The following TRPM8 variants were observed in gnomAD, a reference collection of about 807,000 sequenced individuals.
TRPM8 encodes the protein transient receptor potential cation channel subfamily M member 8.
TRPM8 carries 110 observed loss-of-function variants against 133.7 expected under a neutral mutation model. That is an observed-to-expected ratio of 0.82 (90% CI 0.70 to 0.96). The LOEUF (loss-of-function observed/expected upper bound fraction) is 0.96, where lower values mean the gene tolerates loss of function less well. Among genes scored for constraint, TRPM8 ranks in the 40% least tolerant of loss-of-function variants. TRPM8 has a pLI of 0.00. For synonymous variants in TRPM8, 535 were observed against 532.3 expected (o/e 1.01, Z -0.07); for missense variants, 1,291 against 1,379.5 (o/e 0.94, Z 1.02).
rs11563217 is a variant in TRPM8 at position 233,950,157 on chromosome 2, G to A, written c.1140+11G>A. On this transcript the variant is annotated intron_variant, in intron 9 of 25. Transcript: ENST00000324695. ...AGTTGGATCAAATGGGTAAGTTGTC[G>A]GGACCATGTCTGAGGGCTGAGAAAA... 26,484 of 1,609,942 alleles carry A rather than the reference G, an allele frequency of 0.016. 1,950 individuals are homozygous for A. The East Asian group carries it at 0.18, about 11-fold the overall frequency.
chr2:233,977,586 C>G (rs1197377812), intron 17 of TRPM8, among the ~76,000 whole-genome samples: 1 of 152,148 alleles, frequency 6.6e-6, no homozygotes. Flanking sequence ...TTACCAGGCA[C>G]CAGAAGAGCA....
intron 1 of TRPM8, among the ~76,000 whole-genome samples, chr2:233,924,941 G>A (rs188516228): frequency 1.2e-4 from 19 of 152,288 alleles, no homozygotes; most frequent in Admixed American, 7.2e-4. Flanking sequence ...TAAAAGAAGC[G>A]CTTGTTGTTT....
intron 14 of TRPM8, chr2:233,965,876 T>A (rs990802285): frequency 5.9e-5 from 9 of 151,666 alleles, no homozygotes; most frequent in Admixed American, 1.3e-4. Context: ...GAGGTGGAGT[T>A]TCGCTCTTGT....
chr2:234,004,544 C>T (rs75668105), intron 22 of TRPM8, among the ~76,000 whole-genome samples: 2 of 152,270 alleles, frequency 1.3e-5, no homozygotes, highest in African/African-American at 4.8e-5. Context: ...GAGAAAAATG[C>T]GAGATTTTTC....
At chr2:233,993,086 C>T (rs986969567) in intron 21 of TRPM8, among the ~76,000 whole-genome samples, 12 of 152,266 alleles carry the variant, frequency 7.9e-5, no homozygotes, top group African/African-American at 1.9e-4. Context: ...AGCTGTACCT[C>T]GGTGTATAAA....
Position 233,922,730 on chromosome 2 carries a change from T to A in TRPM8, c.-5-3803T>A, listed in dbSNP as rs114429980. On this transcript the variant is annotated intron_variant, in intron 1 of 25. Coordinates refer to ENST00000324695, the MANE Select transcript of TRPM8 (RefSeq NM_024080.5). ...TCAGGATACAATTCCTAGATCACAA[T>A]CTTTTCCCTCTTAAAAAAATGTAAA... is the stretch of plus-strand genomic sequence containing the variant. Among the ~76,000 whole-genome samples the A allele has an allele frequency of 1.2e-3, 189 of 152,322 alleles. 1 individual carries two copies. Among genetic ancestry groups the A allele is most frequent in the African/African-American group, 4.2e-3 (175 of 41,570 alleles).
intron 22 of TRPM8, among the ~76,000 whole-genome samples, chr2:233,997,477 G>T (rs898836678): frequency 6.6e-6 from 1 of 152,164 alleles, no homozygotes; most frequent in Non-Finnish European, 1.5e-5. Context: ...AGCACAGAGG[G>T]ACAGGATGGG....
Position 233,955,132 on chromosome 2 carries a change from C to T in TRPM8, c.1244C>T (p.Ala415Val). Residue 415 changes from alanine (A) to valine (V), a missense_variant and splice_region_variant, in exon 11 of 26, where the codon GCC (alanine) becomes GTC (valine). This residue lies in a region of TRPM8 where 963 missense variants were observed against 968.9 expected (regional missense o/e 0.99). Coordinates refer to ENST00000324695, the MANE Select transcript of TRPM8 (RefSeq NM_024080.5). ...TGAGTCTTTTCCTGCCCTCTCACAG[C>T]CTTCAGCACCAGTGAGCAAGACAAG... ...SNAISYALYKAFSTSEQDKDN... is the reference protein window; with the variant it reads ...SNAISYALYKVFSTSEQDKDN... 6.2e-7 allele frequency: 1 copy of T among 1,611,792 alleles called. No homozygotes were observed.
chr2:233,980,109 T>C, intron 17 of TRPM8, 79 bp from the exon 18 acceptor site: 2 of 965,962 alleles, frequency 2.1e-6, no homozygotes, highest in South Asian at 1.5e-5. Context: ...TGGAAGAAAA[T>C]GAGTGGACAT....
chr2:233,925,480 C>T (rs1691496460), intron 1 of TRPM8, among the ~76,000 whole-genome samples: 1 of 152,110 alleles, frequency 6.6e-6, no homozygotes. Context: ...CAGGAGATGA[C>T]AGCTGGAGGG....
At chr2:233,969,564 A>G in intron 15 of TRPM8, 131 bp from the exon 16 acceptor site, 1 of 648,400 alleles carries the variant, frequency 1.5e-6, no homozygotes, top group East Asian at 2.6e-5. Context: ...ACTGGTATAA[A>G]AGAATAATGA....
chr2:233,962,277 C>A (rs1691458407), intron 12 of TRPM8, among the ~76,000 whole-genome samples: 1 of 152,192 alleles, frequency 6.6e-6, no homozygotes, highest in Admixed American at 6.5e-5. Context: ...TTGTCCTGAT[C>A]AGAGCCCAGT....
chr2:233,987,579 G>A (rs1692176033), intron 21 of TRPM8, among the ~76,000 whole-genome samples: 1 of 152,270 alleles, frequency 6.6e-6, no homozygotes, highest in East Asian at 1.9e-4. Context: ...GTGGCCATCT[G>A]GTCTCCCAGT....
intron 24 of TRPM8, among the ~76,000 whole-genome samples, chr2:234,013,998 CA>C (rs1191576879): frequency 1.3e-5 from 2 of 152,048 alleles, no homozygotes; most frequent in African/African-American, 4.8e-5. Flanking sequence ...AGTAATATGA[CA>C]TGTAATTTAA....
At chr2:233,999,507 C>CCGTGGCCCTGTTTGGCCGT (rs1553669036) in intron 22 of TRPM8, among the ~76,000 whole-genome samples, 4 of 152,200 alleles carry the variant, frequency 2.6e-5, no homozygotes, top group Non-Finnish European at 5.9e-5. Context: ...GTGGAAGAAT[C>CCGTGGCCCTGTTTGGCCGT]CGTGGCCCTG....
chr2:234,015,141 G>A (rs911216880), intron 25 of TRPM8, among the ~76,000 whole-genome samples: 9 of 152,108 alleles, frequency 5.9e-5, no homozygotes, highest in African/African-American at 1.9e-4. Flanking sequence ...TTTTGGTGAG[G>A]CATTCAAGGT....
In TRPM8 at chr2:233,989,848, A is replaced by G. The variant is rs1692231044; in HGVS notation, c.2939+3983A>G. 6.6e-6 allele frequency among the ~76,000 whole-genome samples: 1 copy of G among 152,232 alleles called. No homozygotes were observed. The highest frequency in any genetic ancestry group is 1.5e-5 in the Non-Finnish European group (1 of 68,038). ...AGCGGCAGGAAGTGAATTTAAAGTC[A>G]GTAAATGACTCCAGGTCGACTTACC... On this transcript the variant is annotated intron_variant, in intron 21 of 25. Coordinates refer to ENST00000324695, the MANE Select transcript of TRPM8 (RefSeq NM_024080.5). The surrounding 1 kb of genome is among the most constrained non-coding windows in gnomAD (Gnocchi z 4.2).
At chr2:233,942,010 G>A (rs1042752570) in intron 5 of TRPM8, among the ~76,000 whole-genome samples, 1 of 150,074 alleles carries the variant, frequency 6.7e-6, no homozygotes, top group Non-Finnish European at 1.5e-5. Context: ...GATACAGACA[G>A]ATTCCCTCGA....
At chr2:233,952,358 AG>A (rs1691189812) in intron 9 of TRPM8, among the ~76,000 whole-genome samples, 1 of 152,162 alleles carries the variant, frequency 6.6e-6, no homozygotes, top group African/African-American at 2.4e-5. Context: ...ACAAAAAGGC[AG>A]GTGCCGAGGG....
Sources: gnomAD v4.1 joint callset for allele counts (sites outside exome capture counted in the v4.1 genomes callset) on GRCh38, gnomAD v4.1.1 for gene constraint, gnomAD v4.1.1 regional missense constraint, Gnocchi (gnomAD v3.1) non-coding constraint, MANE v1.5 for transcripts, NCBI Gene and HGNC (gene_info 2026-07-23, HGNC 2026-07-21) for gene names.